The following PCDH15 variants were observed in gnomAD, a reference collection of about 807,000 sequenced individuals.
The protein encoded by PCDH15 is protocadherin-15.
PCDH15 carries 129 observed loss-of-function variants against 178.5 expected under a neutral mutation model. The observed-to-expected ratio is 0.72, with a 90% CI of 0.63 to 0.84. The LOEUF is 0.84. Among genes scored for constraint, PCDH15 ranks in the 40% least tolerant of loss-of-function variants. PCDH15 has a pLI of 0.00. For missense variants in PCDH15, 2,230 were observed against 2,099.9 expected (o/e 1.06, Z -1.21); for synonymous variants, 800 against 732.0 (o/e 1.09, Z -1.50).
chr10:53,832,889 C>T (rs1401610110), intron 29 of PCDH15, among the ~76,000 whole-genome samples: 1 of 151,952 alleles, frequency 6.6e-6, no homozygotes, highest in Non-Finnish European at 1.5e-5. Context: ...ATATGTAACT[C>T]ATAAACTAAT....
chr10:55,608,122 C>G (rs991518371), intron 2 of PCDH15, among the ~76,000 whole-genome samples: 3 of 151,848 alleles, frequency 2.0e-5, no homozygotes, highest in Non-Finnish European at 1.5e-5. Context: ...ATGGATTACA[C>G]ATAGAGTACA....
At chr10:55,090,572 G>A (rs988804230) in intron 2 of PCDH15, among the ~76,000 whole-genome samples, 1 of 151,970 alleles carries the variant, frequency 6.6e-6, no homozygotes, top group East Asian at 1.9e-4. Context: ...AGACTAGAAC[G>A]ACTCACCTTC....
chr10:54,993,774 GA>G (rs1839570452), intron 2 of PCDH15, among the ~76,000 whole-genome samples: 1 of 152,026 alleles, frequency 6.6e-6, no homozygotes, highest in Non-Finnish European at 1.5e-5. Flanking sequence ...TAGTAATACA[GA>G]AATGAGAAAA....
intron 31 of PCDH15, among the ~76,000 whole-genome samples, chr10:53,827,855 T>C (rs1475346382): frequency 6.6e-6 from 1 of 152,156 alleles, no homozygotes; most frequent in Non-Finnish European, 1.5e-5. Flanking sequence ...ATGGGATGGA[T>C]AATTAATTGG....
chr10:55,081,676 A>G (rs1433333221), intron 2 of PCDH15, among the ~76,000 whole-genome samples: 2 of 152,174 alleles, frequency 1.3e-5, no homozygotes, highest in Admixed American at 1.3e-4. Context: ...GAAGATGTTC[A>G]TCTTTAAAGA....
intron 5 of PCDH15, among the ~76,000 whole-genome samples, chr10:54,349,184 A>T (rs1322201237): frequency 6.6e-6 from 1 of 152,208 alleles, no homozygotes; most frequent in Non-Finnish European, 1.5e-5. Flanking sequence ...GGGGGTGCCC[A>T]TGCCTTTCAA....
chr10:54,448,642 T>C (rs978656648), intron 3 of PCDH15, among the ~76,000 whole-genome samples: 6 of 151,638 alleles, frequency 4.0e-5, no homozygotes, highest in African/African-American at 9.7e-5. Context: ...ATTCTAGCAA[T>C]AGAATTCATT....
In PCDH15 at chr10:54,722,065, C is replaced by T. The variant is rs189065258; in HGVS notation, c.-28-57775G>A. The stretch of plus-strand genomic sequence containing the variant: ...AATGATGTAAGGATGGTTCAACATA[C>T]GGTAATCAATAAATACGGTTTACCA... On this transcript the variant is annotated intron_variant, in intron 1 of 37. Transcript: ENST00000644397. Among the ~76,000 whole-genome samples the T allele has an allele frequency of 1.3e-3, 198 of 151,698 alleles. 1 individual carries two copies. Among genetic ancestry groups the T allele is most frequent in the Middle Eastern group, 3.4e-3 (1 of 294 alleles).
intron 23 of PCDH15, among the ~76,000 whole-genome samples, chr10:53,953,721 A>G (rs1328527494): frequency 6.6e-6 from 1 of 152,210 alleles, no homozygotes; most frequent in African/African-American, 2.4e-5. Flanking sequence ...AAATTCTTCA[A>G]TAATTTTCAA....
chr10:55,053,112 G>A (rs375823096), intron 2 of PCDH15, among the ~76,000 whole-genome samples: 2 of 152,030 alleles, frequency 1.3e-5, no homozygotes, highest in African/African-American at 4.8e-5. Context: ...TATTATATGT[G>A]GCTGACAAAT....
rs116876528 is a variant in PCDH15 at position 55,243,539 on chromosome 10, G to A, written c.-156+76060C>T. 4.6e-5 allele frequency among the ~76,000 whole-genome samples: 7 copies of A among 152,218 alleles called. No individual in the cohort carries two copies. In the East Asian group the frequency reaches 1.4e-3, roughly 29 times the overall value. ...TTTTCCTAGGATGGTTCACATTGAT[G>A]TTTCTCCTGGAGTGGGTTCTTACCC... is the stretch of plus-strand genomic sequence containing the variant. On this transcript the variant is annotated intron_variant, in intron 1 of 5. Transcript: ENST00000458638.
At chr10:54,926,773 G>A (rs1186762348) in intron 2 of PCDH15, among the ~76,000 whole-genome samples, 1 of 151,920 alleles carries the variant, frequency 6.6e-6, no homozygotes, top group East Asian at 1.9e-4. Context: ...ATGGTTATCT[G>A]TAATTCTTTG....
intron 11 of PCDH15, 57 bp from the exon 12 acceptor site, chr10:54,185,325 C>A: frequency 3.8e-6 from 6 of 1,592,692 alleles, no homozygotes; most frequent in South Asian, 3.3e-5. Context: ...GCTATTAGTT[C>A]ATTACCTAGA....
intron 3 of PCDH15, among the ~76,000 whole-genome samples, chr10:54,453,666 GA>G (rs974641762): frequency 4.2e-5 from 6 of 144,058 alleles, no homozygotes; most frequent in East Asian, 2.0e-4. Context: ...TTAAAAAAAA[GA>G]AAAAAAAAAG....
intron 20 of PCDH15, among the ~76,000 whole-genome samples, chr10:54,010,376 T>G (rs1433848296): frequency 6.6e-6 from 1 of 152,124 alleles, no homozygotes. Context: ...TGTACTTTCC[T>G]GGGACAGAGC....
chr10:55,572,404 C>T (rs2132111109), intron 2 of PCDH15, among the ~76,000 whole-genome samples: 1 of 151,144 alleles, frequency 6.6e-6, no homozygotes, highest in South Asian at 2.1e-4. Context: ...GGACTTTATG[C>T]AATATAAACC....
intron 3 of PCDH15, among the ~76,000 whole-genome samples, chr10:54,491,634 T>A (rs1463632486): frequency 6.6e-6 from 1 of 152,138 alleles, no homozygotes; most frequent in East Asian, 1.9e-4. Flanking sequence ...TTGGAACCCC[T>A]TATATCATTT....
intron 2 of PCDH15, among the ~76,000 whole-genome samples, chr10:54,905,551 A>G (rs1019424911): frequency 1.3e-5 from 2 of 152,136 alleles, no homozygotes; most frequent in Admixed American, 6.5e-5. Context: ...GCTTTGTAAT[A>G]GTTCAGATGA....
chr10:55,217,178 T>C (rs1840729096), intron 1 of PCDH15, among the ~76,000 whole-genome samples: 1 of 151,920 alleles, frequency 6.6e-6, no homozygotes, highest in Non-Finnish European at 1.5e-5. Flanking sequence ...TGTAAATTGC[T>C]GTTAAAGCAA....
Sources: allele counts gnomAD v4.1 joint callset (sites outside exome capture counted in the v4.1 genomes callset), GRCh38; gene constraint gnomAD v4.1.1; transcripts MANE v1.5; gene names NCBI Gene and HGNC (gene_info 2026-07-23, HGNC 2026-07-21).